The following CLIC5 variants were observed in gnomAD, a reference collection of about 807,000 sequenced individuals.
CLIC5 encodes chloride intracellular channel protein 5.
CLIC5 carries 20 observed loss-of-function variants against 24.7 expected under a neutral mutation model. That is an observed-to-expected ratio of 0.81 (90% CI 0.57 to 1.18). The LOEUF is 1.18. Among genes scored for constraint, CLIC5 ranks in the 50% most tolerant of loss-of-function variants. The pLI is 0.00. For synonymous variants in CLIC5, 159 were observed against 135.6 expected (o/e 1.17, Z -1.20); for missense variants, 341 against 326.1 (o/e 1.05, Z -0.35).
chr6:46,031,715 C>T (rs987952234), intron 1 of CLIC5, among the ~76,000 whole-genome samples: 6 of 151,004 alleles, frequency 4.0e-5, no homozygotes, highest in African/African-American at 1.5e-4. Flanking sequence ...CAATGGGGTA[C>T]ATTTTGGTGC....
chr6:45,995,965 G>C (rs1346776522), intron 1 of CLIC5, among the ~76,000 whole-genome samples: 1 of 152,078 alleles, frequency 6.6e-6, no homozygotes, highest in Non-Finnish European at 1.5e-5. Context: ...GGGGACTGTT[G>C]AGGGCTGGGG....
At chr6:45,941,408 G>GA (rs397775740) in intron 4 of CLIC5, 139 bp downstream of exon 4, 62 of 693,828 alleles carry the variant, frequency 8.9e-5, no homozygotes, top group Non-Finnish European at 1.5e-4. Context: ...GTGGCGGGGG[G>GA]TGGGGGCAAA....
chr6:45,961,470 A>G (rs1440747171), intron 1 of CLIC5, among the ~76,000 whole-genome samples: 1 of 152,236 alleles, frequency 6.6e-6, no homozygotes, highest in Admixed American at 6.5e-5. Context: ...AGCAGACCAC[A>G]CTGGCTGCTG....
At chr6:46,095,802 T>A in the CLIC5 span, among the ~76,000 whole-genome samples, 1 of 152,214 alleles carries the variant, frequency 6.6e-6, no homozygotes, top group Non-Finnish European at 1.5e-5. Flanking sequence ...GTTCCAAAGC[T>A]GCTTCCATAT....
chr6:45,960,391 G>A (rs530807545), intron 1 of CLIC5, among the ~76,000 whole-genome samples: 3 of 152,278 alleles, frequency 2.0e-5, no homozygotes, highest in East Asian at 3.9e-4. Context: ...AGAACAGGGG[G>A]AATTTCTTTA....
chr6:45,980,037 A>T (rs966863592), intron 1 of CLIC5, among the ~76,000 whole-genome samples: 29 of 130,256 alleles, frequency 2.2e-4, no homozygotes, highest in African/African-American at 8.6e-4. Context: ...TTTTAGGTCT[A>T]ACAGTTAAGT....
intron 1 of CLIC5, among the ~76,000 whole-genome samples, chr6:45,991,616 T>C (rs1190473772): frequency 6.6e-6 from 1 of 152,230 alleles, no homozygotes; most frequent in African/African-American, 2.4e-5. Flanking sequence ...AGCAAACTAA[T>C]ATACCCCTAT....
At chr6:45,888,981 G>A (rs1762327490) in intron 6 of CLIC5, among the ~76,000 whole-genome samples, 1 of 151,674 alleles carries the variant, frequency 6.6e-6, no homozygotes, top group Admixed American at 6.6e-5. Context: ...GTCCATCAGA[G>A]GGAGACTAAT....
At chr6:46,091,069 C>A in the CLIC5 span, among the ~76,000 whole-genome samples, 1 of 152,168 alleles carries the variant, frequency 6.6e-6, no homozygotes, top group African/African-American at 2.4e-5. Context: ...TGCTCTGAAC[C>A]TATTCTGGTT....
intron 1 of CLIC5, among the ~76,000 whole-genome samples, chr6:46,005,251 T>C (rs1766509121): frequency 6.6e-6 from 1 of 152,378 alleles, no homozygotes; most frequent in Admixed American, 6.5e-5. Flanking sequence ...TTTTGTGTTA[T>C]TTCTCCAGTC....
chr6:45,943,194 C>T (rs935703597), intron 3 of CLIC5, among the ~76,000 whole-genome samples: 1 of 152,234 alleles, frequency 6.6e-6, no homozygotes, highest in African/African-American at 2.4e-5. Context: ...CTGGCAGAGC[C>T]AGGATCCCAA....
intron 4 of CLIC5, 156 bp from the exon 5 acceptor site, chr6:45,914,565 A>C: frequency 8.0e-7 from 1 of 1,251,482 alleles, no homozygotes; most frequent in Non-Finnish European, 1.0e-6. Flanking sequence ...CCATTAACAC[A>C]ATGCAGTAGA....
At chr6:46,128,855 T>G in the CLIC5 span, among the ~76,000 whole-genome samples, 1 of 152,204 alleles carries the variant, frequency 6.6e-6, no homozygotes, top group Non-Finnish European at 1.5e-5. Flanking sequence ...AAACTGGAAT[T>G]AATTTATCAA....
intron 4 of CLIC5, chr6:45,932,800 T>A (rs926229318): frequency 6.6e-6 from 1 of 152,270 alleles, no homozygotes; most frequent in Non-Finnish European, 1.5e-5. Context: ...GATTCGGGCC[T>A]GAATGGAACA....
intron 1 of CLIC5, among the ~76,000 whole-genome samples, chr6:45,971,936 T>C (rs1765213648): frequency 6.6e-6 from 1 of 152,154 alleles, no homozygotes; most frequent in South Asian, 2.1e-4. Context: ...GTAACATGAG[T>C]TTCTTCTACT....
the CLIC5 span, among the ~76,000 whole-genome samples, chr6:46,097,752 T>A: frequency 6.6e-6 from 1 of 152,262 alleles, no homozygotes; most frequent in African/African-American, 2.4e-5. Context: ...GGACATAGTT[T>A]ACTAGACATA....
intron 4 of CLIC5, among the ~76,000 whole-genome samples, chr6:45,924,942 G>T (rs1763420299): frequency 6.6e-6 from 1 of 152,130 alleles, no homozygotes; most frequent in Non-Finnish European, 1.5e-5. Context: ...GCATTGTCTG[G>T]AATGCGGATG....
chr6:45,962,455 G>T (rs1412118986), intron 1 of CLIC5, among the ~76,000 whole-genome samples: 1 of 134,856 alleles, frequency 7.4e-6, no homozygotes, highest in Non-Finnish European at 1.5e-5. Context: ...TTTACTCAAA[G>T]TTCACCAATT....
the CLIC5 span, among the ~76,000 whole-genome samples, chr6:46,115,083 T>C: frequency 6.6e-6 from 1 of 152,186 alleles, no homozygotes; most frequent in Non-Finnish European, 1.5e-5. Context: ...CGGACCATAG[T>C]AGGTGACCCT....
Sources: gnomAD v4.1 joint callset for allele counts (sites outside exome capture counted in the v4.1 genomes callset) on GRCh38, gnomAD v4.1.1 for gene constraint, MANE v1.5 for transcripts, NCBI Gene and HGNC (gene_info 2026-07-23, HGNC 2026-07-21) for gene names.